The following AKAP7 variants were observed in gnomAD, a reference collection of about 807,000 sequenced individuals.
AKAP7 encodes the protein A-kinase anchoring protein 7, also known as A kinase (PRKA) anchor protein 7.
Under a neutral mutation model 39.5 loss-of-function variants are expected in AKAP7, and 39 were observed. That is an observed-to-expected ratio of 0.99 (90% CI 0.76 to 1.29). AKAP7 has a LOEUF of 1.29. Ranked by LOEUF, AKAP7 falls within the 50% of genes most tolerant of loss-of-function variation. The pLI, the probability that AKAP7 is intolerant of heterozygous loss-of-function variation, is 0.00. For missense variants in AKAP7, 414 were observed against 407.7 expected, an observed-to-expected ratio of 1.02 and a Z score of -0.13; for synonymous variants, 140 against 139.1, an observed-to-expected ratio of 1.01 and a Z score of -0.05.
chr6:131,238,337 A>G (rs1487355045), intron 7 of AKAP7, among the ~76,000 whole-genome samples: 11 of 152,154 alleles, frequency 7.2e-5, no homozygotes, highest in Middle Eastern at 3.2e-3. Flanking sequence ...TAAGTGGTCA[A>G]TTTTGGAATA....
chr6:131,238,465 A>G (rs974147950), intron 7 of AKAP7, among the ~76,000 whole-genome samples: 1 of 152,018 alleles, frequency 6.6e-6, no homozygotes, highest in Non-Finnish European at 1.5e-5. Flanking sequence ...TATCCTTGTT[A>G]ACTTTCTGTC....
intron 6 of AKAP7, among the ~76,000 whole-genome samples, chr6:131,204,425 G>A (rs574067122): frequency 6.6e-6 from 1 of 152,278 alleles, no homozygotes; most frequent in South Asian, 2.1e-4. Context: ...CCTATAAAAT[G>A]TATACTGTAA....
At chr6:131,180,825 G>GTTT (rs1562190157) in intron 5 of AKAP7, among the ~76,000 whole-genome samples, 2 of 96,770 alleles carry the variant, frequency 2.1e-5, no homozygotes, top group Non-Finnish European at 2.1e-5. Context: ...TTCTTTTTTT[G>GTTT]TTTGTTTTGT....
intron 7 of AKAP7, among the ~76,000 whole-genome samples, chr6:131,223,213 T>G (rs1809859857): frequency 1.3e-5 from 2 of 152,248 alleles, no homozygotes; most frequent in African/African-American, 2.4e-5. Flanking sequence ...TGCAATAGTC[T>G]GGAACTAACC....
At chr6:131,264,257 G>T (rs1585205345) in intron 7 of AKAP7, among the ~76,000 whole-genome samples, 1 of 152,078 alleles carries the variant, frequency 6.6e-6, no homozygotes, top group South Asian at 2.1e-4. Context: ...GATAGTACTT[G>T]GAAAGTTGCA....
intron 6 of AKAP7, among the ~76,000 whole-genome samples, chr6:131,217,996 C>T (rs536117977): frequency 2.0e-5 from 3 of 152,114 alleles, no homozygotes; most frequent in Non-Finnish European, 4.4e-5. Context: ...AATGTTATCT[C>T]GAATGAAGTT....
At chr6:131,177,673 A>T (rs2128251762) in intron 5 of AKAP7, among the ~76,000 whole-genome samples, 2 of 152,358 alleles carry the variant, frequency 1.3e-5, no homozygotes, top group South Asian at 4.1e-4. Flanking sequence ...GACCATTGTC[A>T]TCACTCCCAT....
At chr6:131,250,137 G>A (rs1812320602) in intron 7 of AKAP7, 1 of 979,048 alleles carries the variant, frequency 1.0e-6, no homozygotes, top group Non-Finnish European at 1.2e-6. Flanking sequence ...TGGTTTTTTT[G>A]GGGGTTTGAA....
intron 2 of AKAP7, 104 bp downstream of exon 2, chr6:131,145,520 G>GT (rs1395087627): frequency 1.4e-6 from 1 of 710,264 alleles, no homozygotes; most frequent in Admixed American, 4.2e-5. Flanking sequence ...TAATACTTAT[G>GT]TTTTTGAGTT....
At chr6:131,177,735 T>C (rs1804723157) in intron 5 of AKAP7, among the ~76,000 whole-genome samples, 1 of 152,222 alleles carries the variant, frequency 6.6e-6, no homozygotes, top group South Asian at 2.1e-4. Flanking sequence ...TAGTGAGTAG[T>C]GGAACCAGGA....
chr6:131,241,577 ATGTGTGTGTGTGTGTGTGTG>A lies in AKAP7; in HGVS notation c.850+21801_850+21820del, dbSNP rs749601887. Among the ~76,000 whole-genome samples the A allele has an allele frequency of 1.3e-3, 104 of 81,262 alleles. 1 individual carries two copies. The highest frequency in any genetic ancestry group is 1.3e-3 in the Non-Finnish European group (57 of 42,310). The allele number at this position is 81,262 out of a possible 152,430, so 53.3% of individuals were successfully genotyped here. On this transcript the variant is annotated intron_variant, in intron 7 of 7. Coordinates refer to ENST00000431975, the MANE Select transcript of AKAP7 (RefSeq NM_016377.4). ...GAGGTCCAGGACATAGATTATATAT[ATGTGTGTGTGTGTGTGTGTG>A]TGTGTGTGTGTGTGTGTGTGTGTGT...
chr6:131,226,320 G>A (rs947873608), intron 7 of AKAP7, among the ~76,000 whole-genome samples: 3 of 152,122 alleles, frequency 2.0e-5, no homozygotes, highest in Non-Finnish European at 4.4e-5. Context: ...GACTTTGGTC[G>A]GATATGGTGG....
At chr6:131,274,071 T>A (rs955555317) in intron 7 of AKAP7, among the ~76,000 whole-genome samples, 2 of 152,088 alleles carry the variant, frequency 1.3e-5, no homozygotes, top group Non-Finnish European at 2.9e-5. Context: ...TTCTTCTGCA[T>A]TGTTTCTGAT....
chr6:131,282,336 C>A lies in AKAP7; in HGVS notation c.*610C>A. The A allele has an allele frequency of 1.3e-5, 17 of 1,347,302 alleles. No homozygotes were observed. Among genetic ancestry groups the A allele is most frequent in the South Asian group, 8.5e-5 (4 of 46,828 alleles). 83.5% of individuals were successfully genotyped at this position (1,347,302 alleles called of 1,614,324 possible). On this transcript the variant is annotated 3_prime_UTR_variant, in exon 8 of 8. Coordinates refer to ENST00000431975, the MANE Select transcript of AKAP7 (RefSeq NM_016377.4). ...AACATTTTAAAGTTTTTTTAAAATC[C>A]TATTTTGATAAGTCAGTATGCCATA...
chr6:131,280,045 C>T (rs1815079535), intron 7 of AKAP7, among the ~76,000 whole-genome samples: 1 of 152,220 alleles, frequency 6.6e-6, no homozygotes, highest in South Asian at 2.1e-4. Context: ...TGCCACCCAA[C>T]ATGACATTAC....
At chr6:131,204,387 A>G (rs1239352626) in intron 6 of AKAP7, among the ~76,000 whole-genome samples, 10 of 152,222 alleles carry the variant, frequency 6.6e-5, no homozygotes, top group Non-Finnish European at 1.5e-4. Context: ...TAAATAAAAT[A>G]CTATACTCTT....
intron 7 of AKAP7, among the ~76,000 whole-genome samples, chr6:131,238,901 AT>A (rs1811301515): frequency 6.6e-6 from 1 of 152,182 alleles, no homozygotes; most frequent in Non-Finnish European, 1.5e-5. Context: ...CATTTAGCCC[AT>A]TTACATTTAA....
intron 2 of AKAP7, among the ~76,000 whole-genome samples, chr6:131,152,198 C>T (rs1410686003): frequency 1.3e-5 from 2 of 152,196 alleles, no homozygotes; most frequent in Non-Finnish European, 1.5e-5. Flanking sequence ...TGTACTCCAA[C>T]TGATGACTTT....
chr6:131,129,972 C>T, the AKAP7 span, among the ~76,000 whole-genome samples: 20,141 of 152,084 alleles, frequency 0.13, 1,684 homozygotes, highest in South Asian at 0.18. Context: ...AGGTCAGGAC[C>T]GTATCACAGA....
Sources: gnomAD v4.1 joint callset for allele counts (sites outside exome capture counted in the v4.1 genomes callset) on GRCh38, gnomAD v4.1.1 for gene constraint, MANE v1.5 for transcripts, NCBI Gene and HGNC (gene_info 2026-07-23, HGNC 2026-07-21) for gene names.